The following ATP10B variants were observed in gnomAD, a reference collection of about 807,000 sequenced individuals.
The protein encoded by ATP10B is ATPase phospholipid transporting 10B (putative).
A neutral mutation model predicts 141.2 loss-of-function variants in ATP10B; 122 were observed. The observed-to-expected ratio is 0.86, with a 90% CI of 0.75 to 1.00. The LOEUF (loss-of-function observed/expected upper bound fraction) is 1.00, where lower values mean the gene tolerates loss of function less well. ATP10B is among the 50% of genes least tolerant of loss of function. The probability of loss-of-function intolerance (pLI) is 0.00; values close to 1 mark genes in which losing one functional copy is unlikely to be tolerated. For synonymous variants in ATP10B, 685 were observed against 692.0 expected (o/e 0.99, Z 0.16); for missense variants, 1,876 against 1,825.3 (o/e 1.03, Z -0.51).
At chr5:160,803,730 C>G (rs1005988000) in intron 1 of ATP10B, among the ~76,000 whole-genome samples, 2 of 152,116 alleles carry the variant, frequency 1.3e-5, no homozygotes, top group African/African-American at 4.8e-5. Context: ...ATAGCTTGTA[C>G]TTGGTAGAAT....
At chr5:160,744,132 G>A (rs914468429) in intron 2 of ATP10B, among the ~76,000 whole-genome samples, 2 of 152,152 alleles carry the variant, frequency 1.3e-5, no homozygotes, top group African/African-American at 2.4e-5. Context: ...GTCAGCCTCA[G>A]CCTCATCATA....
the ATP10B span, among the ~76,000 whole-genome samples, chr5:160,870,754 A>T: frequency 6.6e-6 from 1 of 152,062 alleles, no homozygotes; most frequent in Non-Finnish European, 1.5e-5. Flanking sequence ...AAAAACACAA[A>T]AAACAAAACA....
the ATP10B span, among the ~76,000 whole-genome samples, chr5:160,902,342 C>T: frequency 2.0e-5 from 3 of 152,142 alleles, no homozygotes; most frequent in African/African-American, 4.8e-5. Context: ...AGGCTTGGAA[C>T]CCTATTTTCT....
chr5:160,846,139 C>T (rs1776102336), intron 1 of ATP10B, among the ~76,000 whole-genome samples: 1 of 151,978 alleles, frequency 6.6e-6, no homozygotes, highest in Non-Finnish European at 1.5e-5. Flanking sequence ...TAGTGTCAGT[C>T]CACAAACTGT....
chr5:160,816,308 G>A (rs1773621429), intron 1 of ATP10B, among the ~76,000 whole-genome samples: 2 of 151,874 alleles, frequency 1.3e-5, no homozygotes, highest in South Asian at 4.2e-4. Context: ...AATAAAAAAT[G>A]ATAAAGGGGA....
Position 160,620,462 on chromosome 5 carries a change from G to C in ATP10B, c.2301C>G (p.Asp767Glu). The C allele has an allele frequency of 6.2e-7, 1 of 1,614,236 alleles. No individual in the cohort carries two copies. Among genetic ancestry groups the C allele is most frequent in the Non-Finnish European group, 8.5e-7 (1 of 1,180,036 alleles). ...CCACAGACATTCTCTTCCTGACAGA[G>C]TCAAAGCCCAGGGTGCAGAGGAGGC... is the stretch of plus-strand genomic sequence containing the variant. ...TFSLLCTLGF[D>E]SVRKRMSVVV... Residue 767 changes from aspartate (D) to glutamate (E), a missense_variant, in exon 15 of 26, where the codon GAC (aspartate) becomes GAG (glutamate). Transcript: ENST00000327245.
the ATP10B span, among the ~76,000 whole-genome samples, chr5:160,874,643 G>A: frequency 1.3e-4 from 20 of 152,148 alleles, no homozygotes; most frequent in East Asian, 3.3e-3. Flanking sequence ...TGAAAAAAAT[G>A]TAGAAGAATG....
intron 2 of ATP10B, among the ~76,000 whole-genome samples, chr5:160,755,222 C>T (rs1768438692): frequency 6.6e-6 from 1 of 151,938 alleles, no homozygotes; most frequent in Admixed American, 6.6e-5. Flanking sequence ...GGGAGAGGTG[C>T]CACACACTTT....
chr5:160,760,577 AAAT>A (rs1768957749), intron 2 of ATP10B, among the ~76,000 whole-genome samples: 1 of 152,230 alleles, frequency 6.6e-6, no homozygotes, highest in Non-Finnish European at 1.5e-5. Context: ...ACAAAATAAA[AAAT>A]AAAACCAATC....
the ATP10B span, among the ~76,000 whole-genome samples, chr5:160,882,691 G>A: frequency 1.3e-5 from 2 of 152,098 alleles, no homozygotes; most frequent in Non-Finnish European, 2.9e-5. Flanking sequence ...CATAAAATTT[G>A]TCAATTTAAC....
the ATP10B span, among the ~76,000 whole-genome samples, chr5:160,912,824 C>G: frequency 1.1e-4 from 17 of 152,332 alleles, no homozygotes; most frequent in South Asian, 3.1e-3. Context: ...GCATGCCACA[C>G]TTTCCTGTGT....
chr5:160,755,204 A>G (rs1768437169), intron 2 of ATP10B, among the ~76,000 whole-genome samples: 1 of 152,148 alleles, frequency 6.6e-6, no homozygotes, highest in Non-Finnish European at 1.5e-5. Flanking sequence ...GGCAGAAGAG[A>G]CAGTGAAGGG....
At chr5:160,697,676 AG>A (rs934177627) in intron 3 of ATP10B, among the ~76,000 whole-genome samples, 1 of 152,186 alleles carries the variant, frequency 6.6e-6, no homozygotes, top group African/African-American at 2.4e-5. Flanking sequence ...AGAAAGAAAT[AG>A]CAACCACCTA....
At chr5:160,909,427 T>C in the ATP10B span, among the ~76,000 whole-genome samples, 2 of 152,216 alleles carry the variant, frequency 1.3e-5, no homozygotes, top group Non-Finnish European at 2.9e-5. Context: ...TTCTCCATCA[T>C]GTATGCCATG....
chr5:160,578,804 C>T (rs888247653), intron 24 of ATP10B, among the ~76,000 whole-genome samples: 1 of 152,210 alleles, frequency 6.6e-6, no homozygotes, highest in Admixed American at 6.5e-5. Context: ...TACACTCCCA[C>T]CAACAGTGTA....
Position 160,632,022 on chromosome 5 carries a change from T to G in ATP10B, c.1620+107A>C, listed in dbSNP as rs1758969620. On this transcript the variant is annotated intron_variant, in intron 13 of 25. Transcript: ENST00000327245. ...ATGTACAAAACCAAGGGCACCATTT[T>G]GAAAGCTCTTCAGGGTTTGTACAAT... is the stretch of plus-strand genomic sequence containing the variant. 3 of 1,011,732 alleles carry G rather than the reference T, an allele frequency of 3.0e-6. No homozygotes were observed. In the South Asian group the frequency reaches 5.0e-5, roughly 17 times the overall value. 62.7% of individuals were successfully genotyped at this position (1,011,732 alleles called of 1,614,324 possible).
chr5:160,569,822 A>G, intron 24 of ATP10B, 139 bp from the exon 25 acceptor site: 1 of 670,010 alleles, frequency 1.5e-6, no homozygotes, highest in Non-Finnish European at 2.4e-6. Flanking sequence ...GTGCAGCTTA[A>G]TCTATCATTA....
chr5:160,602,672 G>T lies in ATP10B; in HGVS notation c.3268C>A (p.Arg1090Ser). The T allele has an allele frequency of 6.2e-7, 1 of 1,614,022 alleles. No homozygotes were observed. The highest frequency in any genetic ancestry group is 1.1e-5 in the South Asian group (1 of 91,068). ...AVMSSDFAIT[R>S]FKHLKKLLLV... ...AGCAACTTCTTGAGATGCTTAAAGC[G>T]GGTGATGGCAAAGTCGCTGGACATG... Residue 1090 changes from arginine to serine, a missense_variant, in exon 21 of 26, where the codon CGC becomes AGC. Coordinates refer to ENST00000327245, the MANE Select transcript of ATP10B (RefSeq NM_025153.3).
rs115411512 is a variant in ATP10B, at chr5:160,824,569, C to T, written c.-576+27372G>A. Among the ~76,000 whole-genome samples, 835 of 152,232 alleles carry T rather than the reference C, an allele frequency of 5.5e-3. 9 individuals are homozygous for T. The highest frequency in any genetic ancestry group is 0.019 in the African/African-American group (795 of 41,538). ...CATTATGGAGTGAACTTGTACAAAC[C>T]TAGATGGTGTAGCCTACTACACACC... is the stretch of plus-strand genomic sequence containing the variant. On this transcript the variant is annotated intron_variant, in intron 1 of 25. Coordinates refer to ENST00000327245, the MANE Select transcript of ATP10B (RefSeq NM_025153.3).
Sources: gnomAD v4.1 joint callset for allele counts (sites outside exome capture counted in the v4.1 genomes callset) on GRCh38, gnomAD v4.1.1 for gene constraint, MANE v1.5 for transcripts, NCBI Gene and HGNC (gene_info 2026-07-23, HGNC 2026-07-21) for gene names.